DOCK2: variants seen among roughly 807,000 people sequenced by gnomAD.
The protein encoded by DOCK2 is dedicator of cytokinesis protein 2.
A neutral mutation model predicts 248.9 loss-of-function variants in DOCK2; 87 were observed. That is an observed-to-expected ratio of 0.35 (90% confidence interval 0.29 to 0.42). The LOEUF (loss-of-function observed/expected upper bound fraction) is 0.42, where lower values mean the gene tolerates loss of function less well. Ranked by LOEUF, DOCK2 falls within the 10% of genes least tolerant of loss-of-function variation. The pLI is 1.00. For synonymous variants in DOCK2, 805 were observed against 821.6 expected (o/e 0.98, Z 0.35); for missense variants, 1,747 against 2,300.2 (o/e 0.76, Z 4.92).
chr5:169,747,453 A>C lies in DOCK2; in HGVS notation c.2325A>C (p.Glu775Asp). 1 of 1,613,866 alleles carries C rather than the reference A, an allele frequency of 6.2e-7. No individual in the cohort carries two copies. Among genetic ancestry groups the C allele is most frequent in the African/African-American group, 1.3e-5 (1 of 75,052 alleles). ...AAGAATCCATGAGACGGCTCTTTGA[A>C]TCCATCAACAATCTGATGAAAAGTC... is the stretch of plus-strand genomic sequence containing the variant. ...EFEESMRRLF[E>D]SINNLMKSQY... The change falls in exon 23 of 52, where the codon GAA (glutamate) becomes GAC (aspartate). Residue 775 changes from glutamate to aspartate, a missense_variant. Transcript: ENST00000520908.
At chr5:169,735,951 G>GGAGAGA (rs144466698) in intron 22 of DOCK2, among the ~76,000 whole-genome samples, 31 of 146,810 alleles carry the variant, frequency 2.1e-4, no homozygotes, top group African/African-American at 7.3e-4. Flanking sequence ...GGGGGGAGAG[G>GGAGAGA]GAGAGAGAGA....
chr5:169,793,947 C>T (rs1008586511), intron 25 of DOCK2, among the ~76,000 whole-genome samples: 2 of 152,158 alleles, frequency 1.3e-5, no homozygotes, highest in Non-Finnish European at 2.9e-5. Context: ...GCGAGGCCTT[C>T]GTTGACTGCA....
intron 27 of DOCK2, chr5:169,883,087 G>C (rs2113508335): frequency 6.4e-7 from 1 of 1,551,674 alleles, no homozygotes. Flanking sequence ...AAGTTCCTCT[G>C]TGCCTGGTGT....
chr5:170,008,876 C>A, intron 32 of DOCK2, 130 bp downstream of exon 32: 1 of 1,118,298 alleles, frequency 8.9e-7, no homozygotes, highest in Non-Finnish European at 1.3e-6. Context: ...CTGTGTGTAC[C>A]CCAGTTCCTA....
chr5:169,954,801 C>A (rs1776796931), intron 27 of DOCK2, among the ~76,000 whole-genome samples: 1 of 152,210 alleles, frequency 6.6e-6, no homozygotes, highest in African/African-American at 2.4e-5. Context: ...GTCAACGCAG[C>A]TGATGCTGGG....
chr5:170,043,303 G>A (rs185664922), intron 38 of DOCK2, among the ~76,000 whole-genome samples: 67 of 152,276 alleles, frequency 4.4e-4, no homozygotes, highest in Non-Finnish European at 6.2e-4. Flanking sequence ...TAGTTGTACC[G>A]TGAAAATAGA....
intron 23 of DOCK2, among the ~76,000 whole-genome samples, chr5:169,755,444 A>G (rs1294181716): frequency 2.0e-5 from 3 of 152,194 alleles, no homozygotes; most frequent in Non-Finnish European, 4.4e-5. Context: ...TAATAATGAG[A>G]GTAAAAATAA....
intron 2 of DOCK2, among the ~76,000 whole-genome samples, chr5:169,663,520 T>A (rs1334104815): frequency 2.0e-5 from 3 of 152,254 alleles, no homozygotes; most frequent in African/African-American, 7.2e-5. Context: ...AGAAGACTTC[T>A]GCCTTGACAT....
At chr5:169,913,362 G>C (rs76045757) in intron 27 of DOCK2, among the ~76,000 whole-genome samples, 1,527 of 152,154 alleles carry the variant, frequency 0.01, 27 homozygotes, top group African/African-American at 0.034. Context: ...GAACTATATA[G>C]AAGCTCCCTA....
chr5:170,004,472 T>C lies in DOCK2; in HGVS notation c.3073-4025T>C, dbSNP rs567639798. On this transcript the variant is annotated intron_variant, in intron 30 of 51. Coordinates refer to ENST00000520908, the MANE Select transcript of DOCK2 (RefSeq NM_004946.3). Reference sequence around the variant, plus strand: ...GTATTTTTTGGCTGCATAAATGTCTTCTTTTGAGAAGTGTCTGTTCATGGA... The same window carrying C: ...GTATTTTTTGGCTGCATAAATGTCTCCTTTTGAGAAGTGTCTGTTCATGGA... 1.3e-4 allele frequency among the ~76,000 whole-genome samples: 20 copies of C among 152,332 alleles called. No individual in the cohort carries two copies. The East Asian group carries it at 3.5e-3, about 26-fold the overall frequency.
chr5:169,867,417 CTG>C (rs1581319206), intron 27 of DOCK2, among the ~76,000 whole-genome samples: 2 of 146,050 alleles, frequency 1.4e-5, no homozygotes, highest in Non-Finnish European at 3.0e-5. Flanking sequence ...CTCTGTCTGT[CTG>C]TCTGTCTGTC....
rs1581169880 is a variant in DOCK2 at position 169,774,387 on chromosome 5, T to C, written c.2554+12762T>C. On this transcript the variant is annotated intron_variant, in intron 25 of 51. Coordinates refer to ENST00000520908, the MANE Select transcript of DOCK2 (RefSeq NM_004946.3). ...TCCATGTAAAGTGTAGGTATCACTATTCCTATTTAACAGGTGAGGAAACTG... is the reference window on the plus strand; with the variant it reads ...TCCATGTAAAGTGTAGGTATCACTACTCCTATTTAACAGGTGAGGAAACTG... 2.0e-5 allele frequency among the ~76,000 whole-genome samples: 3 copies of C among 152,300 alleles called. No individual in the cohort carries two copies. The East Asian group carries it at 5.8e-4, about 29-fold the overall frequency.
chr5:169,998,294 G>A (rs1754717653), intron 30 of DOCK2, among the ~76,000 whole-genome samples: 1 of 152,190 alleles, frequency 6.6e-6, no homozygotes, highest in Non-Finnish European at 1.5e-5. Flanking sequence ...GCACATAGTA[G>A]GTCTCCTTGA....
Position 169,671,111 on chromosome 5 carries a change from T to C in DOCK2, c.258T>C (p.Pro86=). The change falls in exon 5 of 52, where the codon CCT becomes CCC. Residue 86 remains proline, a synonymous_variant. Transcript: ENST00000520908. The part of the protein sequence containing the change: ...NTENIIPAEI[P]LAQEVTTTLW... ...AGAACATCATTCCTGCAGAAATTCC[T>C]CTGGCACAAGAAGTGACAACGACAC... The C allele has an allele frequency of 6.2e-7, 1 of 1,614,090 alleles. No individual in the cohort carries two copies. The highest frequency in any genetic ancestry group is 8.5e-7 in the Non-Finnish European group (1 of 1,179,962).
intron 27 of DOCK2, among the ~76,000 whole-genome samples, chr5:169,844,131 A>G (rs1770162334): frequency 6.6e-6 from 1 of 152,166 alleles, no homozygotes; most frequent in South Asian, 2.1e-4. Context: ...CTGCCAAACT[A>G]TTTTCCATAG....
intron 26 of DOCK2, among the ~76,000 whole-genome samples, chr5:169,834,035 C>T (rs1769406885): frequency 6.7e-6 from 1 of 149,034 alleles, no homozygotes; most frequent in African/African-American, 2.5e-5. Flanking sequence ...CTCACATGCT[C>T]AGTCAGTGCT....
chr5:169,882,514 C>A, intron 27 of DOCK2: 1 of 1,487,406 alleles, frequency 6.7e-7, no homozygotes, highest in South Asian at 1.3e-5. Flanking sequence ...CAAATGACTT[C>A]ACCCAGTCAT....
chr5:169,717,068 C>A (rs1002499813), intron 20 of DOCK2, among the ~76,000 whole-genome samples: 1 of 152,136 alleles, frequency 6.6e-6, no homozygotes, highest in Non-Finnish European at 1.5e-5. Context: ...TTGCATGACC[C>A]TTTTAGAGAT....
chr5:169,714,239 G>T, intron 18 of DOCK2, 28 bp downstream of exon 18: 1 of 1,601,000 alleles, frequency 6.2e-7, no homozygotes, highest in Non-Finnish European at 8.5e-7. Flanking sequence ...AGTTGTGTCT[G>T]TGGGGAGTGT....
Sources: allele counts gnomAD v4.1 joint callset (sites outside exome capture counted in the v4.1 genomes callset), GRCh38; gene constraint gnomAD v4.1.1; transcripts MANE v1.5; gene names NCBI Gene and HGNC (gene_info 2026-07-23, HGNC 2026-07-21).